OPN5: variants seen among roughly 807,000 people sequenced by gnomAD.
OPN5 encodes opsin 5.
A neutral mutation model predicts 41.7 loss-of-function variants in OPN5; 18 were observed. The ratio of observed to expected loss-of-function variants is 0.43; its 90% confidence interval spans 0.30 to 0.64. OPN5 has a LOEUF of 0.64. Among genes scored for constraint, OPN5 ranks in the 30% least tolerant of loss-of-function variants. The probability of loss-of-function intolerance (pLI) is 0.13; values close to 1 mark genes in which losing one functional copy is unlikely to be tolerated. For missense variants in OPN5, 318 were observed against 434.5 expected (o/e 0.73, Z 2.38); for synonymous variants, 178 against 164.3 (o/e 1.08, Z -0.64).
chr6:47,794,427 G>A (rs574928656), intron 3 of OPN5, among the ~76,000 whole-genome samples: 1 of 152,256 alleles, frequency 6.6e-6, no homozygotes, highest in African/African-American at 2.4e-5. Flanking sequence ...ACCTGTCTTT[G>A]GTGGTTGTGT....
chr6:47,793,914 C>CAATCATGTAGCCACAA, intron 3 of OPN5: 1 of 321,404 alleles, frequency 3.1e-6, no homozygotes, highest in Non-Finnish European at 4.5e-6. Flanking sequence ...TATATTGTGG[C>CAATCATGTAGCCACAA]TACATGATTG....
chr6:47,783,567 C>T (rs1301392741), intron 1 of OPN5, among the ~76,000 whole-genome samples: 1 of 152,070 alleles, frequency 6.6e-6, no homozygotes, highest in Admixed American at 6.6e-5. Flanking sequence ...AAAGTGATTC[C>T]CTGGGTCTTT....
chr6:47,809,602 C>G (rs1430409008), intron 5 of OPN5, among the ~76,000 whole-genome samples: 1 of 152,098 alleles, frequency 6.6e-6, no homozygotes, highest in Non-Finnish European at 1.5e-5. Context: ...CTACATAGAG[C>G]CTAGAATTGG....
At chr6:47,810,945 G>T (rs1222884969) in intron 5 of OPN5, among the ~76,000 whole-genome samples, 1 of 152,120 alleles carries the variant, frequency 6.6e-6, no homozygotes, top group Non-Finnish European at 1.5e-5. Flanking sequence ...TGTCTGGATT[G>T]GTCTTGAGCT....
chr6:47,818,538 G>A (rs756430122), intron 6 of OPN5, among the ~76,000 whole-genome samples: 38 of 152,274 alleles, frequency 2.5e-4, no homozygotes, highest in South Asian at 6.2e-4. Flanking sequence ...ATTTGGCAGG[G>A]CATTCATCCA....
At chr6:47,812,698 C>T (rs931609088) in intron 6 of OPN5, among the ~76,000 whole-genome samples, 1 of 152,132 alleles carries the variant, frequency 6.6e-6, no homozygotes, top group Non-Finnish European at 1.5e-5. Context: ...ATCTACATTG[C>T]AGTTCTTTTA....
chr6:47,803,616 C>A (rs780939508), intron 4 of OPN5, among the ~76,000 whole-genome samples: 32 of 152,148 alleles, frequency 2.1e-4, no homozygotes, highest in Admixed American at 1.4e-3. Flanking sequence ...TGATGGGGAA[C>A]TTATTTCATC....
chr6:47,791,669 C>A, intron 2 of OPN5, 133 bp from the exon 3 acceptor site: 1 of 653,914 alleles, frequency 1.5e-6, no homozygotes, highest in Non-Finnish European at 2.7e-6. Context: ...TCTAGGAAAT[C>A]TGTGTAATCA....
chr6:47,792,657 A>T (rs1773415866), intron 3 of OPN5, among the ~76,000 whole-genome samples: 1 of 152,228 alleles, frequency 6.6e-6, no homozygotes, highest in African/African-American at 2.4e-5. Flanking sequence ...CTCGGAATTT[A>T]TCAAACCTGA....
At chr6:47,820,720 T>C (rs986075817) in intron 6 of OPN5, among the ~76,000 whole-genome samples, 6 of 152,146 alleles carry the variant, frequency 3.9e-5, no homozygotes, top group Admixed American at 6.5e-5. Context: ...AAATAAGGCA[T>C]GCTCCTTATA....
intron 3 of OPN5, among the ~76,000 whole-genome samples, chr6:47,792,538 T>A (rs1773410726): frequency 6.6e-6 from 1 of 152,202 alleles, no homozygotes; most frequent in South Asian, 2.1e-4. Flanking sequence ...ATTACAAGAA[T>A]TGGTGAATCA....
chr6:47,802,711 C>T (rs1170213512), intron 4 of OPN5, among the ~76,000 whole-genome samples: 2 of 152,158 alleles, frequency 1.3e-5, no homozygotes, highest in African/African-American at 4.8e-5. Flanking sequence ...AGTGAAGTCT[C>T]TCCTGTTTTG....
exon 7 of OPN5, chr6:47,824,665 G>T (rs1052245043): frequency 7.9e-5 from 12 of 152,128 alleles, no homozygotes; most frequent in African/African-American, 2.9e-4. Context: ...CCAACTGCAG[G>T]TTCCCAGATG....
chr6:47,819,344 TATATATATAA>T (rs1322236697), intron 6 of OPN5, among the ~76,000 whole-genome samples: 2 of 95,974 alleles, frequency 2.1e-5, no homozygotes, highest in Non-Finnish European at 4.4e-5. Flanking sequence ...GGAATATATA[TATATATATAA>T]AAAATATATT....
chr6:47,795,995 A>G (rs1015447371), intron 4 of OPN5, among the ~76,000 whole-genome samples: 1 of 152,072 alleles, frequency 6.6e-6, no homozygotes, highest in African/African-American at 2.4e-5. Flanking sequence ...ACATTCTACC[A>G]CTTGAATTAT....
At chr6:47,815,606 C>T (rs1338797525) in intron 6 of OPN5, among the ~76,000 whole-genome samples, 3 of 152,068 alleles carry the variant, frequency 2.0e-5, no homozygotes, top group African/African-American at 7.2e-5. Context: ...AGAGAGGGAG[C>T]CAGACCTCAC....
At chr6:47,800,171 A>G (rs1230862984) in intron 4 of OPN5, among the ~76,000 whole-genome samples, 1 of 152,200 alleles carries the variant, frequency 6.6e-6, no homozygotes, top group African/African-American at 2.4e-5. Flanking sequence ...CTGCACAAAG[A>G]AAGACCATGG....
intron 2 of OPN5, chr6:47,786,940 A>G (rs1773211828): frequency 4.9e-6 from 2 of 408,676 alleles, no homozygotes; most frequent in Admixed American, 5.4e-5. Flanking sequence ...TGATTCAGAA[A>G]TCAGAAATCA....
intron 6 of OPN5, among the ~76,000 whole-genome samples, chr6:47,816,375 A>T (rs1018433967): frequency 6.6e-6 from 1 of 152,288 alleles, no homozygotes; most frequent in Admixed American, 6.5e-5. Context: ...ATTGATTTGC[A>T]TATGTCTCTG....
Sources: allele counts gnomAD v4.1 joint callset (sites outside exome capture counted in the v4.1 genomes callset), GRCh38; gene constraint gnomAD v4.1.1; transcripts MANE v1.5; gene names NCBI Gene and HGNC (gene_info 2026-07-23, HGNC 2026-07-21).